GABARAPL2: variants seen among roughly 807,000 people sequenced by gnomAD.
GABARAPL2 encodes the protein GABA type A receptor associated protein like 2.
A neutral mutation model predicts 16.9 loss-of-function variants in GABARAPL2; 11 were observed. That is an observed-to-expected ratio of 0.65 (90% confidence interval 0.41 to 1.08). The LOEUF (loss-of-function observed/expected upper bound fraction) is 1.08, where lower values mean the gene tolerates loss of function less well. Among genes scored for constraint, GABARAPL2 ranks in the 50% least tolerant of loss-of-function variants. The probability of loss-of-function intolerance (pLI) is 0.00; values close to 1 mark genes in which losing one functional copy is unlikely to be tolerated. For missense variants in GABARAPL2, 134 were observed against 142.5 expected (o/e 0.94, Z 0.30); for synonymous variants, 57 against 50.7 (o/e 1.12, Z -0.53).
chr16:75,573,391 G>T (rs138160315), intron 3 of GABARAPL2, among the ~76,000 whole-genome samples: 15 of 152,166 alleles, frequency 9.9e-5, no homozygotes, highest in Non-Finnish European at 1.9e-4. Flanking sequence ...TTGCTTCATG[G>T]CACCCAGTGA....
chr16:75,566,970 C>T, intron 2 of GABARAPL2, 63 bp downstream of exon 2: 4 of 1,317,604 alleles, frequency 3.0e-6, no homozygotes, highest in Admixed American at 1.7e-5. Flanking sequence ...CCGTGATAGG[C>T]CCCAGGCCAT....
rs558571924 is a variant in GABARAPL2 at position 75,571,805 on chromosome 16, A to G, written c.263+3596A>G. Among the ~76,000 whole-genome samples the G allele has an allele frequency of 2.7e-5, 4 of 150,784 alleles. No homozygotes were observed. The East Asian group carries it at 8.1e-4, about 30-fold the overall frequency. On this transcript the variant is annotated intron_variant, in intron 3 of 3. Transcript: ENST00000037243. ...GATTCTCCTGCCTCTGCCCCCTAGT[A>G]GCTGGGATTACAGGCGACTGCCACC...
chr16:75,570,835 C>CCAA, intron 3 of GABARAPL2, among the ~76,000 whole-genome samples: 1 of 152,306 alleles, frequency 6.6e-6, no homozygotes, highest in Admixed American at 6.5e-5. Context: ...GTTGAATTCT[C>CCAA]TGCCTAGGTG....
intron 3 of GABARAPL2, among the ~76,000 whole-genome samples, chr16:75,574,656 C>T (rs1215217723): frequency 6.6e-6 from 1 of 152,146 alleles, no homozygotes; most frequent in African/African-American, 2.4e-5. Flanking sequence ...CCTGGCTTGT[C>T]ACTCTACTTC....
chr16:75,571,080 T>C (rs573191476), intron 3 of GABARAPL2, among the ~76,000 whole-genome samples: 14 of 152,342 alleles, frequency 9.2e-5, no homozygotes, highest in African/African-American at 2.4e-4. Flanking sequence ...CTCTAAGATA[T>C]TATTTTTTAT....
At chr16:75,575,453 G>A (rs571924644) in intron 3 of GABARAPL2, among the ~76,000 whole-genome samples, 46 of 152,052 alleles carry the variant, frequency 3.0e-4, no homozygotes, top group African/African-American at 1.1e-3. Context: ...GCACTACCAT[G>A]CCTGGATACT....
intron 3 of GABARAPL2, chr16:75,576,423 C>T (rs2080949910): frequency 6.6e-6 from 1 of 152,214 alleles, no homozygotes; most frequent in Admixed American, 6.5e-5. Context: ...TTTATGAGTT[C>T]CCCTTTTAAG....
intron 3 of GABARAPL2, among the ~76,000 whole-genome samples, chr16:75,574,468 A>G (rs952213493): frequency 2.0e-5 from 3 of 152,140 alleles, no homozygotes; most frequent in Admixed American, 6.5e-5. Flanking sequence ...CACTTGGACA[A>G]ATGGGGTAAA....
At chr16:75,570,961 A>T (rs2080910651) in intron 3 of GABARAPL2, among the ~76,000 whole-genome samples, 1 of 152,256 alleles carries the variant, frequency 6.6e-6, no homozygotes, top group Admixed American at 6.5e-5. Context: ...AGGGGAACTC[A>T]GACCTGGCAG....
At chr16:75,571,875 C>A (rs1013866619) in intron 3 of GABARAPL2, among the ~76,000 whole-genome samples, 1 of 151,960 alleles carries the variant, frequency 6.6e-6, no homozygotes, top group African/African-American at 2.4e-5. Flanking sequence ...ACGGGTTTTA[C>A]CATGTTGGCC....
At chr16:75,567,981 T>G (rs1385227950) in intron 2 of GABARAPL2, 56 bp from the exon 3 acceptor site, 4 of 1,410,370 alleles carry the variant, frequency 2.8e-6, no homozygotes, top group Admixed American at 3.6e-5. Context: ...CTCAGCCATG[T>G]GAGGCCAGAG....
rs894931266 is a variant in GABARAPL2 at position 75,566,434 on chromosome 16, G to T, written c.-53G>T. The T allele has an allele frequency of 5.1e-6, 7 of 1,370,204 alleles. No homozygotes were observed. In the Admixed American group the frequency reaches 5.2e-5, roughly 10 times the overall value. 84.9% of individuals were successfully genotyped at this position (1,370,204 alleles called of 1,614,324 possible). On this transcript the variant is annotated 5_prime_UTR_variant, in exon 1 of 4. Coordinates refer to ENST00000037243, the MANE Select transcript of GABARAPL2 (RefSeq NM_007285.7). The stretch of plus-strand genomic sequence containing the variant: ...CGCCGTCGTTGTTGTTGTGCTCGGT[G>T]CGCTGAGCTCCGCGGCTCCGCGAGC...
intron 3 of GABARAPL2, among the ~76,000 whole-genome samples, chr16:75,573,457 C>T (rs1260019559): frequency 6.6e-6 from 1 of 152,172 alleles, no homozygotes; most frequent in Non-Finnish European, 1.5e-5. Flanking sequence ...AAGTTCCTTG[C>T]CCAAGGGGTA....
At position 75,577,275 on chromosome 16, in the gene GABARAPL2, C is replaced by G. The variant is rs2080955217; in HGVS notation, c.264-4C>G. 3 of 1,590,706 alleles carry G rather than the reference C, an allele frequency of 1.9e-6. No individual in the cohort carries two copies. The highest frequency in any genetic ancestry group is 2.2e-5 in the South Asian group (2 of 90,590). On this transcript the variant is annotated splice_polypyrimidine_tract_variant and splice_region_variant and intron_variant, in intron 3 of 3. Transcript: ENST00000037243. Reference sequence around the variant, plus strand: ...CAATGACGTTTTTGTTTTTCTCTTTCAAGCCTAACTATGGGACAGCTTTAC... The same window carrying G: ...CAATGACGTTTTTGTTTTTCTCTTTGAAGCCTAACTATGGGACAGCTTTAC...
At chr16:75,569,161 T>TG (rs1263801085) in intron 3 of GABARAPL2, among the ~76,000 whole-genome samples, 1 of 152,264 alleles carries the variant, frequency 6.6e-6, no homozygotes, top group African/African-American at 2.4e-5. Flanking sequence ...AAGAGGCCTG[T>TG]GCCAAATTCC....
Position 75,566,382 on chromosome 16 carries a change from C to G in GABARAPL2, c.-105C>G, listed in dbSNP as rs955384159. ...CCGGAAGTCCCGCCTGCCGTGTAGT[C>G]GCCGCCGTCGCTGCCGCTGCCGCTG... On this transcript the variant is annotated 5_prime_UTR_variant, in exon 1 of 4. Transcript: ENST00000037243. 7.3e-6 allele frequency: 6 copies of G among 827,454 alleles called. No individual in the cohort carries two copies. Among genetic ancestry groups the G allele is most frequent in the Non-Finnish European group, 1.2e-5 (6 of 506,512 alleles). The allele number at this position is 827,454 out of a possible 1,614,324, so 51.3% of individuals were successfully genotyped here.
At chr16:75,568,343 C>T (rs558399222) in intron 3 of GABARAPL2, 134 bp downstream of exon 3, 2 of 579,590 alleles carry the variant, frequency 3.5e-6, no homozygotes, top group East Asian at 5.2e-5. Flanking sequence ...TCCCTGACAT[C>T]AGGGGCTCCA....
At chr16:75,567,420 T>C (rs1176407364) in intron 2 of GABARAPL2, among the ~76,000 whole-genome samples, 1 of 152,228 alleles carries the variant, frequency 6.6e-6, no homozygotes, top group Non-Finnish European at 1.5e-5. Flanking sequence ...ATAATAAATA[T>C]AATGTTATAT....
chr16:75,566,537 C>T lies in GABARAPL2; in HGVS notation c.34+17C>T, dbSNP rs1178363315. ...ACTCGCTGGGTAAGCACTTGGTCGT[C>T]GGCCCGGCTGCTGGGGGCTGGGGCG... On this transcript the variant is annotated intron_variant, in intron 1 of 3. Transcript: ENST00000037243. 6.2e-7 allele frequency: 1 copy of T among 1,607,356 alleles called. No individual in the cohort carries two copies. Among genetic ancestry groups the T allele is most frequent in the African/African-American group, 1.4e-5 (1 of 74,042 alleles).
Sources: allele counts gnomAD v4.1 joint callset (sites outside exome capture counted in the v4.1 genomes callset), GRCh38; gene constraint gnomAD v4.1.1; transcripts MANE v1.5; gene names NCBI Gene and HGNC (gene_info 2026-07-23, HGNC 2026-07-21).